The following ST6GALNAC3 variants were observed in gnomAD, a reference collection of about 807,000 sequenced individuals.
ST6GALNAC3 encodes alpha-N-acetylgalactosaminide alpha-2,6-sialyltransferase 3.
A neutral mutation model predicts 32.7 loss-of-function variants in ST6GALNAC3; 25 were observed. The ratio of observed to expected loss-of-function variants is 0.76; its 90% CI spans 0.56 to 1.07. ST6GALNAC3 has a LOEUF of 1.07. Among genes scored for constraint, ST6GALNAC3 ranks in the 50% least tolerant of loss-of-function variants. The pLI, the probability that ST6GALNAC3 is intolerant of heterozygous loss-of-function variation, is 0.00. For synonymous variants in ST6GALNAC3, 129 were observed against 133.1 expected, an observed-to-expected ratio of 0.97 and a Z score of 0.21; for missense variants, 355 against 382.4, an observed-to-expected ratio of 0.93 and a Z score of 0.60.
At chr1:76,334,532 G>A (rs1647314288) in intron 2 of ST6GALNAC3, among the ~76,000 whole-genome samples, 1 of 152,204 alleles carries the variant, frequency 6.6e-6, no homozygotes, top group Non-Finnish European at 1.5e-5. Context: ...CAAATAAAGC[G>A]ATGTTGGACA....
chr1:76,374,405 C>T (rs577867561), intron 2 of ST6GALNAC3, among the ~76,000 whole-genome samples: 5 of 152,288 alleles, frequency 3.3e-5, no homozygotes, highest in Non-Finnish European at 7.4e-5. Context: ...AGAGCTTGTA[C>T]ATAATGGAAT....
chr1:76,577,994 C>G (rs1646836739), intron 3 of ST6GALNAC3, among the ~76,000 whole-genome samples: 1 of 152,156 alleles, frequency 6.6e-6, no homozygotes, highest in East Asian at 1.9e-4. Context: ...CAGATGGGGA[C>G]TTGATAATTG....
intron 3 of ST6GALNAC3, among the ~76,000 whole-genome samples, chr1:76,592,999 T>C (rs201396488): frequency 3.0e-5 from 3 of 100,834 alleles, no homozygotes; most frequent in African/African-American, 1.2e-4. Flanking sequence ...TTTGTCCTCC[T>C]TTTTTTTTTG....
intron 3 of ST6GALNAC3, among the ~76,000 whole-genome samples, chr1:76,490,543 T>C (rs1660432171): frequency 6.6e-6 from 1 of 150,712 alleles, no homozygotes; most frequent in Non-Finnish European, 1.5e-5. Context: ...TCAAGTGTTT[T>C]GAACACAACT....
intron 3 of ST6GALNAC3, among the ~76,000 whole-genome samples, chr1:76,609,452 A>G (rs948474193): frequency 1.6e-4 from 25 of 152,238 alleles, no homozygotes; most frequent in African/African-American, 4.8e-4. Context: ...TCTTATTTGG[A>G]GTGGATATTG....
intron 1 of ST6GALNAC3, among the ~76,000 whole-genome samples, chr1:76,140,224 T>A (rs1650229230): frequency 1.3e-5 from 2 of 152,232 alleles, no homozygotes; most frequent in Non-Finnish European, 2.9e-5. Flanking sequence ...CAAGAACTCT[T>A]GAGCAGAGAG....
intron 1 of ST6GALNAC3, among the ~76,000 whole-genome samples, chr1:76,246,988 G>T (rs1326922411): frequency 6.6e-6 from 1 of 152,152 alleles, no homozygotes; most frequent in Non-Finnish European, 1.5e-5. Flanking sequence ...TGGGGTTTTT[G>T]TGTGGGGGTC....
intron 3 of ST6GALNAC3, among the ~76,000 whole-genome samples, chr1:76,627,023 G>GTAA (rs1649009357): frequency 1.3e-5 from 2 of 152,026 alleles, no homozygotes; most frequent in South Asian, 4.1e-4. Context: ...CAAGAAAGTA[G>GTAA]TAATATGTCC....
chr1:76,304,919 A>G (rs772941033), intron 1 of ST6GALNAC3, among the ~76,000 whole-genome samples: 101 of 152,154 alleles, frequency 6.6e-4, no homozygotes, highest in Non-Finnish European at 8.8e-4. Flanking sequence ...TGAAAAGATG[A>G]CAAGCAGAGG....
chr1:76,139,739 T>C (rs1371288439), intron 1 of ST6GALNAC3, among the ~76,000 whole-genome samples: 3 of 152,166 alleles, frequency 2.0e-5, no homozygotes, highest in African/African-American at 7.2e-5. Flanking sequence ...CAGGGCCTGG[T>C]TTCTAGTTCT....
intron 2 of ST6GALNAC3, among the ~76,000 whole-genome samples, chr1:76,316,267 C>T (rs932672559): frequency 2.6e-5 from 4 of 151,234 alleles, no homozygotes; most frequent in Admixed American, 2.0e-4. Flanking sequence ...GTATGCCCAA[C>T]CATTTCTAGT....
At chr1:76,280,709 G>T (rs1170495767) in intron 1 of ST6GALNAC3, among the ~76,000 whole-genome samples, 2 of 152,180 alleles carry the variant, frequency 1.3e-5, no homozygotes, top group Non-Finnish European at 2.9e-5. Flanking sequence ...ACAAAGATTT[G>T]GATTCAGACC....
intron 1 of ST6GALNAC3, among the ~76,000 whole-genome samples, chr1:76,225,449 G>GA (rs1656011821): frequency 6.6e-6 from 1 of 152,106 alleles, no homozygotes; most frequent in Non-Finnish European, 1.5e-5. Flanking sequence ...ATGAAGATGA[G>GA]AAACAGAGCT....
At chr1:76,473,257 T>C (rs1659151144) in intron 3 of ST6GALNAC3, among the ~76,000 whole-genome samples, 1 of 152,046 alleles carries the variant, frequency 6.6e-6, no homozygotes, top group African/African-American at 2.4e-5. Flanking sequence ...CAGTAACTCC[T>C]AGAGACCCGA....
At chr1:76,291,501 C>G (rs1570713316) in intron 1 of ST6GALNAC3, among the ~76,000 whole-genome samples, 3 of 152,348 alleles carry the variant, frequency 2.0e-5, no homozygotes, top group Admixed American at 2.0e-4. Context: ...ATGTTACAAT[C>G]ACCAAGTTAA....
intron 2 of ST6GALNAC3, among the ~76,000 whole-genome samples, chr1:76,368,934 G>A (rs1489716911): frequency 2.0e-5 from 3 of 152,090 alleles, no homozygotes; most frequent in East Asian, 1.9e-4. Context: ...CTGCTGTCTC[G>A]AGGTGGAGAA....
chr1:76,459,228 C>G (rs1308644531), intron 3 of ST6GALNAC3, among the ~76,000 whole-genome samples: 2 of 152,012 alleles, frequency 1.3e-5, no homozygotes, highest in African/African-American at 4.8e-5. Flanking sequence ...TAAATAGCAC[C>G]CTTAAACAAT....
intron 2 of ST6GALNAC3, 66 bp downstream of exon 2, chr1:76,314,065 C>T: frequency 4.4e-5 from 65 of 1,489,450 alleles, no homozygotes; most frequent in Non-Finnish European, 5.9e-5. Flanking sequence ...CTTTAGGAGC[C>T]AGAGGGCTTC....
chr1:76,338,838 A>G (rs1273242673), intron 2 of ST6GALNAC3, among the ~76,000 whole-genome samples: 1 of 152,178 alleles, frequency 6.6e-6, no homozygotes. Context: ...TTTGTTGACA[A>G]ATAAAGAAAA....
Sources: gnomAD v4.1 joint callset for allele counts (sites outside exome capture counted in the v4.1 genomes callset) on GRCh38, gnomAD v4.1.1 for gene constraint, MANE v1.5 for transcripts, NCBI Gene and HGNC (gene_info 2026-07-23, HGNC 2026-07-21) for gene names.